FREM3: variants seen among roughly 807,000 people sequenced by gnomAD.
FREM3 encodes the protein FRAS1 related extracellular matrix 3.
Under a neutral mutation model 129.1 loss-of-function variants are expected in FREM3, and 105 were observed. The ratio of observed to expected loss-of-function variants is 0.81; its 90% confidence interval spans 0.69 to 0.96. The LOEUF is 0.96. Among genes scored for constraint, FREM3 ranks in the 40% least tolerant of loss-of-function variants. FREM3 has a pLI of 0.00. For synonymous variants in FREM3, 1,014 were observed against 1,044.9 expected (o/e 0.97, Z 0.57); for missense variants, 2,593 against 2,666.3 (o/e 0.97, Z 0.61).
At chr4:143,668,274 G>A (rs1362871105) in intron 2 of FREM3, among the ~76,000 whole-genome samples, 1 of 152,174 alleles carries the variant, frequency 6.6e-6, no homozygotes, top group African/African-American at 2.4e-5. Flanking sequence ...GAAGGTGGAA[G>A]CAGAGGTAGA....
At chr4:143,628,542 A>T (rs148092367) in intron 2 of FREM3, among the ~76,000 whole-genome samples, 12 of 152,330 alleles carry the variant, frequency 7.9e-5, no homozygotes, top group African/African-American at 2.9e-4. Flanking sequence ...AATATGATAG[A>T]TACCAGATAC....
intron 2 of FREM3, among the ~76,000 whole-genome samples, chr4:143,643,887 G>C (rs1043487983): frequency 2.0e-5 from 3 of 152,052 alleles, no homozygotes; most frequent in Non-Finnish European, 2.9e-5. Context: ...GATTCGATCA[G>C]TATTTAACAC....
intron 2 of FREM3, among the ~76,000 whole-genome samples, chr4:143,663,051 C>T (rs183708636): frequency 4.8e-4 from 73 of 152,148 alleles, no homozygotes; most frequent in African/African-American, 1.3e-3. Context: ...TGCCACTCTG[C>T]GTCTTTTAAT....
chr4:143,668,519 G>A (rs186513850), intron 2 of FREM3, among the ~76,000 whole-genome samples: 3 of 152,248 alleles, frequency 2.0e-5, no homozygotes, highest in Admixed American at 6.5e-5. Context: ...CTTGATTAGC[G>A]CATCCCTCAC....
intron 6 of FREM3, among the ~76,000 whole-genome samples, chr4:143,607,879 A>G (rs1738692703): frequency 6.6e-6 from 1 of 152,180 alleles, no homozygotes; most frequent in Non-Finnish European, 1.5e-5. Context: ...GGGTGTTGCC[A>G]GGGCTGTGTT....
At chr4:143,632,381 G>A (rs1739156252) in intron 2 of FREM3, among the ~76,000 whole-genome samples, 1 of 152,080 alleles carries the variant, frequency 6.6e-6, no homozygotes, top group Non-Finnish European at 1.5e-5. Context: ...TTTCCTAAAG[G>A]GGTGATATTT....
chr4:143,627,565 T>C, intron 3 of FREM3, 49 bp downstream of exon 3: 10 of 1,421,064 alleles, frequency 7.0e-6, no homozygotes, highest in Non-Finnish European at 8.6e-6. Flanking sequence ...TAGTCCCAGA[T>C]TTCATGTTTC....
At chr4:143,620,943 C>G (rs1738934946) in intron 5 of FREM3, 94 bp downstream of exon 5, 1 of 1,272,012 alleles carries the variant, frequency 7.9e-7, no homozygotes. Flanking sequence ...CATCTTAACT[C>G]TGCTTTGCTC....
chr4:143,676,152 G>A (rs1473431237), intron 2 of FREM3, among the ~76,000 whole-genome samples: 1 of 152,076 alleles, frequency 6.6e-6, no homozygotes, highest in Non-Finnish European at 1.5e-5. Flanking sequence ...ATAAAATACT[G>A]GCAAACTGAA....
chr4:143,638,891 C>T (rs1161519061), intron 2 of FREM3, among the ~76,000 whole-genome samples: 1 of 152,110 alleles, frequency 6.6e-6, no homozygotes, highest in Non-Finnish European at 1.5e-5. Context: ...CAGGTGAGTG[C>T]CACACCCAAG....
intron 6 of FREM3, among the ~76,000 whole-genome samples, chr4:143,599,080 CTT>C (rs1738528018): frequency 6.6e-6 from 1 of 152,160 alleles, no homozygotes; most frequent in Admixed American, 6.5e-5. Flanking sequence ...GTATTTTGCT[CTT>C]GAGTCAGTAT....
In FREM3 at chr4:143,585,526, A is replaced by G. The variant is rs1738225101; in HGVS notation, c.6178+318T>C. Among the ~76,000 whole-genome samples, 1 of 152,176 alleles carries G rather than the reference A, an allele frequency of 6.6e-6. No individual in the cohort carries two copies. Among genetic ancestry groups the G allele is most frequent in the African/African-American group, 2.4e-5 (1 of 41,436 alleles). ...ACGAGTTGGGACTTGCTTGGCCATT[A>G]TGGGGGTAATTTCATCTGAAATATT... On this transcript the variant is annotated intron_variant, in intron 7 of 7. Transcript: ENST00000329798. This position sits in a 1 kb window ranked among gnomAD's most constrained non-coding sequence, Gnocchi z 4.2.
At chr4:143,678,414 A>T (rs1740188194) in intron 2 of FREM3, among the ~76,000 whole-genome samples, 1 of 152,146 alleles carries the variant, frequency 6.6e-6, no homozygotes, top group African/African-American at 2.4e-5. Flanking sequence ...TGGGGGAGGG[A>T]TAACATTAGG....
chr4:143,687,681 A>G (rs986298849), intron 2 of FREM3, among the ~76,000 whole-genome samples: 1 of 152,216 alleles, frequency 6.6e-6, no homozygotes, highest in Non-Finnish European at 1.5e-5. Flanking sequence ...AGTGGGTTTC[A>G]TATCAGGGAT....
chr4:143,663,462 C>T (rs938113050), intron 2 of FREM3, among the ~76,000 whole-genome samples: 4 of 152,220 alleles, frequency 2.6e-5, no homozygotes, highest in South Asian at 2.1e-4. Flanking sequence ...TGCTGTTAGT[C>T]GGATGTGCTT....
At position 143,675,875 on chromosome 4, in the gene FREM3, G is replaced by T. The variant is rs932548601; in HGVS notation, c.5275+17238C>A. 2.6e-5 allele frequency among the ~76,000 whole-genome samples: 4 copies of T among 152,140 alleles called. No individual in the cohort carries two copies. The East Asian group carries it at 5.8e-4, about 22-fold the overall frequency. ...GAATCTCTGAATAGACCAATAACAG[G>T]CTCTGAAACTGAGGCAATAATTAAT... On this transcript the variant is annotated intron_variant, in intron 2 of 7. Transcript: ENST00000329798.
At chr4:143,626,662 G>A (rs1280828375) in intron 3 of FREM3, among the ~76,000 whole-genome samples, 3 of 152,102 alleles carry the variant, frequency 2.0e-5, no homozygotes, top group African/African-American at 7.2e-5. Flanking sequence ...AATGTAGGCC[G>A]AGGCTGAGGG....
chr4:143,641,642 AC>A (rs1460516658), intron 2 of FREM3, among the ~76,000 whole-genome samples: 1 of 152,212 alleles, frequency 6.6e-6, no homozygotes, highest in Non-Finnish European at 1.5e-5. Context: ...TTCTTGGCCA[AC>A]ACTTATCAGG....
chr4:143,698,972 A>G lies in FREM3; in HGVS notation c.1704T>C (p.Ser568=), dbSNP rs981413068. Residue 568 remains serine, a synonymous_variant, in exon 1 of 8, where the codon AGT becomes AGC. Transcript: ENST00000329798. ...QVVQISPFVL[S]ATDIDSEDST... ...AGTCCTCAGAGTCAATATCAGTAGC[A>G]CTCAGTACAAAGGGAGAGATCTGGA... is the stretch of plus-strand genomic sequence containing the variant. 1 of 1,537,166 alleles carries G rather than the reference A, an allele frequency of 6.5e-7. No homozygotes were observed. Among genetic ancestry groups the G allele is most frequent in the South Asian group, 1.2e-5 (1 of 84,042 alleles).
Sources: allele counts gnomAD v4.1 joint callset (sites outside exome capture counted in the v4.1 genomes callset), GRCh38; gene constraint gnomAD v4.1.1; non-coding constraint Gnocchi (gnomAD v3.1); transcripts MANE v1.5; gene names NCBI Gene and HGNC (gene_info 2026-07-23, HGNC 2026-07-21).